The following UXS1 variants were observed in gnomAD, a reference collection of about 807,000 sequenced individuals.
UXS1 encodes UDP-glucuronic acid decarboxylase 1.
UXS1 carries 33 observed loss-of-function variants against 62.6 expected under a neutral mutation model. That is an observed-to-expected ratio of 0.53 (90% CI 0.40 to 0.70). The LOEUF (loss-of-function observed/expected upper bound fraction) is 0.70, where lower values mean the gene tolerates loss of function less well. UXS1 is among the 30% of genes least tolerant of loss of function. The probability of loss-of-function intolerance (pLI) is 0.00; values close to 1 mark genes in which losing one functional copy is unlikely to be tolerated. For synonymous variants in UXS1, 213 were observed against 206.8 expected (o/e 1.03, Z -0.26); for missense variants, 434 against 556.3 (o/e 0.78, Z 2.21).
intron 11 of UXS1, among the ~76,000 whole-genome samples, chr2:106,104,276 A>G (rs779264536): frequency 7.9e-5 from 12 of 152,246 alleles, no homozygotes; most frequent in Non-Finnish European, 8.8e-5. Flanking sequence ...CAGTGGGTTT[A>G]TAAGGGCTGC....
At chr2:106,129,244 C>G (rs559950564) in intron 7 of UXS1, among the ~76,000 whole-genome samples, 1 of 152,182 alleles carries the variant, frequency 6.6e-6, no homozygotes, top group East Asian at 1.9e-4. Context: ...ACTGAATCAC[C>G]CCCGTGTGTA....
chr2:106,148,742 T>A (rs142368082), intron 5 of UXS1, among the ~76,000 whole-genome samples: 2 of 152,236 alleles, frequency 1.3e-5, no homozygotes, highest in Non-Finnish European at 2.9e-5. Context: ...AGAAACAAAT[T>A]TGGTGAAAGC....
Position 106,112,668 on chromosome 2 carries a change from G to C in UXS1, c.857C>G (p.Ala286Gly). ...TACCGTGAGTGGCTCCCCCTGGAGC[G>C]CCTGCAGGATGAAGTTGCTGACTAC... is the stretch of plus-strand genomic sequence containing the variant. ...GRVVSNFILQ[A>G]LQGEPLTVYG... The change falls in exon 10 of 15, where the codon GCG becomes GGG. Residue 286 changes from alanine to glycine, a missense_variant. Around this residue, in one of 3 missense-constraint regions of UXS1, gnomAD observed 209 missense variants for 233.3 expected, o/e 0.90. Transcript: ENST00000283148. 1 of 1,613,978 alleles carries C rather than the reference G, an allele frequency of 6.2e-7. No individual in the cohort carries two copies. Among genetic ancestry groups the C allele is most frequent in the Non-Finnish European group, 8.5e-7 (1 of 1,179,886 alleles).
At chr2:106,190,768 G>A (rs1438188670) in intron 1 of UXS1, among the ~76,000 whole-genome samples, 4 of 148,266 alleles carry the variant, frequency 2.7e-5, no homozygotes, top group Non-Finnish European at 4.5e-5. Context: ...AAGAAATGAA[G>A]TGCCTGCTTC....
intron 1 of UXS1, 185 bp from the exon 2 acceptor site, chr2:106,166,268 G>C: frequency 1.7e-6 from 1 of 585,846 alleles, no homozygotes; most frequent in Non-Finnish European, 2.9e-6. Flanking sequence ...GTAAAAACAG[G>C]ATCGTAGAGT....
At chr2:106,187,446 G>C (rs1399327040) in intron 1 of UXS1, among the ~76,000 whole-genome samples, 1 of 152,140 alleles carries the variant, frequency 6.6e-6, no homozygotes, top group African/African-American at 2.4e-5. Flanking sequence ...ATTGTGTCCC[G>C]AATGAATTTA....
At chr2:106,188,676 G>A (rs1309404629) in intron 1 of UXS1, among the ~76,000 whole-genome samples, 1 of 152,204 alleles carries the variant, frequency 6.6e-6, no homozygotes, top group Non-Finnish European at 1.5e-5. Flanking sequence ...TAGCCCGGGA[G>A]GACCAACCCG....
At chr2:106,139,117 C>T (rs141342991) in intron 6 of UXS1, among the ~76,000 whole-genome samples, 3 of 152,204 alleles carry the variant, frequency 2.0e-5, no homozygotes, top group Non-Finnish European at 4.4e-5. Flanking sequence ...TCAGAGTACA[C>T]CAAGCATGAG....
rs547540816 is a variant in UXS1 at position 106,105,067 on chromosome 2, T to C, written c.880-230A>G. 4.6e-5 allele frequency among the ~76,000 whole-genome samples: 7 copies of C among 152,264 alleles called. No homozygotes were observed. The East Asian group carries it at 1.2e-3, about 25-fold the overall frequency. On this transcript the variant is annotated intron_variant, in intron 10 of 14. Coordinates refer to ENST00000283148, the MANE Select transcript of UXS1 (RefSeq NM_001253875.2). ...TGCACCTGGTATAGCTGTGTAAAGT[T>C]TTCCCTCAAAAGACAGTGCCTGAAG...
chr2:106,184,465 C>T (rs1180252480), intron 1 of UXS1, among the ~76,000 whole-genome samples: 1 of 152,206 alleles, frequency 6.6e-6, no homozygotes, highest in Non-Finnish European at 1.5e-5. Context: ...GTTCAGGCTG[C>T]TATCACAAAT....
chr2:106,183,784 A>T (rs1456234461), intron 1 of UXS1: 1 of 152,172 alleles, frequency 6.6e-6, no homozygotes, highest in Non-Finnish European at 1.5e-5. Context: ...AAAACAAATT[A>T]TTTTTACCTG....
At chr2:106,179,701 G>A (rs1684120483) in intron 1 of UXS1, 1 of 152,218 alleles carries the variant, frequency 6.6e-6, no homozygotes, top group Non-Finnish European at 1.5e-5. Context: ...TCCACTAGAA[G>A]TCCCCACTCA....
At chr2:106,097,861 A>G (rs17032320) in intron 13 of UXS1, among the ~76,000 whole-genome samples, 8,367 of 152,292 alleles carry the variant, frequency 0.055, 282 homozygotes, top group African/African-American at 0.073. Flanking sequence ...TGTGGGAGCC[A>G]CAGATGATGC....
intron 10 of UXS1, 32 bp downstream of exon 10, chr2:106,112,614 A>G: frequency 1.2e-6 from 2 of 1,611,430 alleles, no homozygotes; most frequent in East Asian, 4.5e-5. Context: ...TTTGGGTTGC[A>G]AGGTGCTCCC....
intron 1 of UXS1, among the ~76,000 whole-genome samples, chr2:106,174,995 C>A (rs971277810): frequency 6.6e-6 from 1 of 152,160 alleles, no homozygotes; most frequent in African/African-American, 2.4e-5. Context: ...CTAAGCTAAT[C>A]CCCCATCCTC....
chr2:106,111,762 T>G (rs1455829056), intron 10 of UXS1, among the ~76,000 whole-genome samples: 1 of 152,220 alleles, frequency 6.6e-6, no homozygotes, highest in African/African-American at 2.4e-5. Flanking sequence ...GCTATAATTC[T>G]TCCCCCTGGA....
At chr2:106,097,602 G>C (rs543927884) in intron 13 of UXS1, 1 of 235,256 alleles carries the variant, frequency 4.3e-6, no homozygotes, top group South Asian at 6.5e-5. Context: ...GCGTCAGCAC[G>C]CACGGATCAC....
At chr2:106,138,122 A>G in intron 6 of UXS1, 4 of 965,274 alleles carry the variant, frequency 4.1e-6, no homozygotes, top group Non-Finnish European at 4.9e-6. Flanking sequence ...GTGCCTTGAG[A>G]GTACAGGAAG....
At chr2:106,177,051 T>C (rs185002223) in intron 1 of UXS1, among the ~76,000 whole-genome samples, 80 of 152,308 alleles carry the variant, frequency 5.3e-4, no homozygotes, top group African/African-American at 1.9e-3. Context: ...GTTAAAAGTA[T>C]GGGTTTTGTA....
Sources: allele counts gnomAD v4.1 joint callset (sites outside exome capture counted in the v4.1 genomes callset), GRCh38; gene constraint gnomAD v4.1.1; regional missense constraint gnomAD v4.1.1; transcripts MANE v1.5; gene names NCBI Gene and HGNC (gene_info 2026-07-23, HGNC 2026-07-21).